KMT2C: variants seen among roughly 807,000 people sequenced by gnomAD.
KMT2C encodes the protein histone-lysine N-methyltransferase 2C.
In KMT2C, 88 loss-of-function variants were observed where a neutral mutation model predicts 507.9. The ratio of observed to expected loss-of-function variants is 0.17; its 90% confidence interval spans 0.15 to 0.21. KMT2C has a LOEUF of 0.21. Ranked by LOEUF, KMT2C falls within the 10% of genes least tolerant of loss-of-function variation. The pLI is 1.00. For missense variants in KMT2C, 4,954 were observed against 5,957.8 expected (o/e 0.83, Z 5.55); for synonymous variants, 2,049 against 2,080.8 (o/e 0.98, Z 0.42).
chr7:152,205,243 T>C lies in KMT2C; in HGVS notation c.3842-18A>G, dbSNP rs749996801. The C allele has an allele frequency of 1.2e-5, 19 of 1,607,664 alleles. No homozygotes were observed. Among genetic ancestry groups the C allele is most frequent in the Middle Eastern group, 2.2e-4 (1 of 4,524 alleles). ...ACCAATACCTATCCAAAAAAGAAAT[T>C]AGGTAAACTGATAAGTAATTTCTCC... On this transcript the variant is annotated intron_variant, in intron 24 of 58. Transcript: ENST00000262189.
At position 152,182,097 on chromosome 7, in the gene KMT2C, T is replaced by C. The variant is rs1200627883; in HGVS notation, c.5763A>G (p.Ala1921=). 1 of 1,614,216 alleles carries C rather than the reference T, an allele frequency of 6.2e-7. No individual in the cohort carries two copies. The highest frequency in any genetic ancestry group is 2.2e-5 in the East Asian group (1 of 44,892). ...ATAAAGGTGTACAGTTTTCCACTGGTGCAGCAGAATTTCTTCTGGAAAAAC... is the reference window on the plus strand; with the variant it reads ...ATAAAGGTGTACAGTTTTCCACTGGCGCAGCAGAATTTCTTCTGGAAAAAC... ...GHSFSRRNSA[A]PVENCTPLSS... Residue 1921 remains alanine (A), a synonymous_variant, in exon 36 of 59, where the codon GCA becomes GCG. Transcript: ENST00000262189.
At position 152,389,092 on chromosome 7, in the gene KMT2C, A is replaced by C. The variant is rs112814684; in HGVS notation, c.162-30417T>G. Among the ~76,000 whole-genome samples the C allele has an allele frequency of 2.4e-4, 32 of 135,678 alleles. No individual in the cohort carries two copies. In the East Asian group the frequency reaches 2.8e-3, roughly 12 times the overall value. The allele number at this position is 135,678 out of a possible 152,430, so 89.0% of individuals were successfully genotyped here. A position where few individuals can be genotyped will look rare whatever the true frequency, so the allele number is the denominator to read the frequency against. ...AGAGATGGGGTTTCACCGTGTTAGC[A>C]AGGATAGTCTCGACCTCCTGGCCTC... On this transcript the variant is annotated intron_variant, in intron 1 of 58. Transcript: ENST00000262189.
chr7:152,383,930 C>A (rs2097397317), intron 1 of KMT2C, among the ~76,000 whole-genome samples: 1 of 151,858 alleles, frequency 6.6e-6, no homozygotes, highest in Non-Finnish European at 1.5e-5. Flanking sequence ...AACTTTTCAA[C>A]ACCAATCACT....
chr7:152,395,407 T>C (rs1225261059), intron 1 of KMT2C, among the ~76,000 whole-genome samples: 12 of 152,126 alleles, frequency 7.9e-5, no homozygotes, highest in Non-Finnish European at 5.9e-5. Flanking sequence ...CAGACTGGTC[T>C]CGAACTCCTG....
intron 23 of KMT2C, among the ~76,000 whole-genome samples, chr7:152,212,984 G>A (rs1429419461): frequency 6.6e-6 from 1 of 152,254 alleles, no homozygotes; most frequent in African/African-American, 2.4e-5. Context: ...GGCGGCAGAG[G>A]TTGCAGTGAG....
chr7:152,335,417 A>AACT (rs756674131), intron 2 of KMT2C, among the ~76,000 whole-genome samples: 1 of 152,304 alleles, frequency 6.6e-6, no homozygotes, highest in East Asian at 1.9e-4. Context: ...CTTAAGGAGG[A>AACT]ATAAGAATAG....
At chr7:152,262,015 G>C (rs977690607) in intron 9 of KMT2C, among the ~76,000 whole-genome samples, 4 of 151,520 alleles carry the variant, frequency 2.6e-5, no homozygotes, top group African/African-American at 9.7e-5. Flanking sequence ...CCACCACTCA[G>C]GCAGATGCCT....
At chr7:152,428,543 A>C (rs1278236699) in intron 1 of KMT2C, among the ~76,000 whole-genome samples, 1 of 151,700 alleles carries the variant, frequency 6.6e-6, no homozygotes, top group African/African-American at 2.4e-5. Flanking sequence ...AGGAAGGAGA[A>C]TCACTTGTAC....
chr7:152,372,967 C>T (rs550746661), intron 1 of KMT2C, among the ~76,000 whole-genome samples: 5 of 152,230 alleles, frequency 3.3e-5, no homozygotes, highest in Middle Eastern at 3.4e-3. Flanking sequence ...GGCCACAAAA[C>T]AAGTTTTAAC....
At chr7:152,316,253 T>A (rs2096722146) in intron 3 of KMT2C, among the ~76,000 whole-genome samples, 1 of 152,140 alleles carries the variant, frequency 6.6e-6, no homozygotes, top group South Asian at 2.1e-4. Context: ...AGCCCTAATG[T>A]AAACTATGGA....
At chr7:152,384,044 C>CTGTGTGTGTGTG (rs560853000) in intron 1 of KMT2C, among the ~76,000 whole-genome samples, 24 of 149,884 alleles carry the variant, frequency 1.6e-4, no homozygotes, top group African/African-American at 5.8e-4. Context: ...ACATGTGTGT[C>CTGTGTGTGTGTG]TGTGTGTGTG....
At chr7:152,415,639 G>C (rs1414187396) in intron 1 of KMT2C, among the ~76,000 whole-genome samples, 5 of 152,180 alleles carry the variant, frequency 3.3e-5, no homozygotes, top group Admixed American at 1.3e-4. Flanking sequence ...CCAACGCTTT[G>C]GGAGGCCGAG....
chr7:152,148,104 C>A lies in KMT2C; in HGVS notation c.13823G>T (p.Arg4608Leu). The change falls in exon 52 of 59, where the codon CGC becomes CTC. Residue 4608 changes from arginine (R) to leucine (L), a missense_variant. By Grantham distance (102) the Arg-to-Leu change is moderately radical. Transcript: ENST00000262189. The surrounding 1 kb of genome is among the most constrained non-coding windows in gnomAD (Gnocchi z 7.1). ...YLCSIEEKDGRPVFVIRIVEQ... is the reference protein window; with the variant it reads ...YLCSIEEKDGLPVFVIRIVEQ... ...CACAATCCTGATGACAAACACTGGGCGCCCATCCTTCTCCTCAATGGAGCA... is the reference window on the plus strand; with the variant it reads ...CACAATCCTGATGACAAACACTGGGAGCCCATCCTTCTCCTCAATGGAGCA... The A allele has an allele frequency of 1.9e-6, 3 of 1,610,792 alleles. No homozygotes were observed. The highest frequency in any genetic ancestry group is 2.5e-6 in the Non-Finnish European group (3 of 1,177,350).
intron 1 of KMT2C, among the ~76,000 whole-genome samples, chr7:152,362,470 AAACAATCCC>A (rs2097204948): frequency 6.6e-6 from 1 of 152,192 alleles, no homozygotes; most frequent in African/African-American, 2.4e-5. Flanking sequence ...GAAATCCTCG[AAACAATCCC>A]AACATGGCTG....
intron 1 of KMT2C, among the ~76,000 whole-genome samples, chr7:152,364,726 C>A (rs980231583): frequency 2.6e-5 from 4 of 151,592 alleles, no homozygotes; most frequent in African/African-American, 9.7e-5. Context: ...AAAAAAAAAT[C>A]TATTCAAAAT....
intron 2 of KMT2C, among the ~76,000 whole-genome samples, chr7:152,352,059 G>A (rs1281888277): frequency 6.6e-6 from 1 of 152,182 alleles, no homozygotes; most frequent in Admixed American, 6.5e-5. Flanking sequence ...AAAAGCAAAT[G>A]GAAGAAATAT....
intron 1 of KMT2C, among the ~76,000 whole-genome samples, chr7:152,391,199 C>CATGT (rs1233503930): frequency 7.4e-6 from 1 of 135,288 alleles, no homozygotes; most frequent in African/African-American, 2.7e-5. Flanking sequence ...CATTCTGTTG[C>CATGT]ATGTATGTTT....
At chr7:152,264,247 A>G (rs2095826185) in intron 8 of KMT2C, among the ~76,000 whole-genome samples, 2 of 152,226 alleles carry the variant, frequency 1.3e-5, no homozygotes, top group Non-Finnish European at 2.9e-5. Flanking sequence ...ATCAAACTAA[A>G]TAATAAAAAC....
At chr7:152,250,145 T>A (rs1351795316) in intron 12 of KMT2C, among the ~76,000 whole-genome samples, 192 bp from the exon 13 acceptor site, 1 of 152,212 alleles carries the variant, frequency 6.6e-6, no homozygotes, top group Non-Finnish European at 1.5e-5. Context: ...AAAAATTTTT[T>A]AATTGTCTTT....
Sources: gnomAD v4.1 joint callset for allele counts (sites outside exome capture counted in the v4.1 genomes callset) on GRCh38, gnomAD v4.1.1 for gene constraint, Gnocchi (gnomAD v3.1) non-coding constraint, MANE v1.5 for transcripts, NCBI Gene and HGNC (gene_info 2026-07-23, HGNC 2026-07-21) for gene names.